The following NEK11 variants were observed in gnomAD, a reference collection of about 807,000 sequenced individuals.
The protein encoded by NEK11 is serine/threonine-protein kinase Nek11.
Under a neutral mutation model 80.7 loss-of-function variants are expected in NEK11, and 72 were observed. The ratio of observed to expected loss-of-function variants is 0.89; its 90% CI spans 0.74 to 1.08. NEK11 has a LOEUF of 1.08. Ranked by LOEUF, NEK11 falls within the 50% of genes least tolerant of loss-of-function variation. The pLI is 0.00. For synonymous variants in NEK11, 251 were observed against 260.7 expected (o/e 0.96, Z 0.36); for missense variants, 764 against 763.6 (o/e 1.00, Z -0.01).
intron 5 of NEK11, among the ~76,000 whole-genome samples, chr3:131,120,810 C>A (rs1255697669): frequency 3.3e-5 from 5 of 152,206 alleles, no homozygotes; most frequent in African/African-American, 1.2e-4. Context: ...AGTTCTCGTG[C>A]CATGGTTTTC....
At chr3:131,231,199 C>CT (rs1233214670) in intron 15 of NEK11, among the ~76,000 whole-genome samples, 1 of 126,562 alleles carries the variant, frequency 7.9e-6, no homozygotes, top group African/African-American at 4.2e-5. Context: ...TTCCTATTTT[C>CT]TTTTTTTTCT....
intron 16 of NEK11, among the ~76,000 whole-genome samples, chr3:131,266,782 A>G (rs1368844265): frequency 6.6e-6 from 1 of 152,078 alleles, no homozygotes; most frequent in East Asian, 1.9e-4. Context: ...TGTCTCATTG[A>G]TCTGTCTAAT....
At chr3:131,285,259 T>C (rs2096456441) in intron 17 of NEK11, among the ~76,000 whole-genome samples, 1 of 152,146 alleles carries the variant, frequency 6.6e-6, no homozygotes, top group African/African-American at 2.4e-5. Context: ...GATCCATTTA[T>C]ATAGGGGCAA....
chr3:131,128,433 T>C (rs2083758742), intron 5 of NEK11, among the ~76,000 whole-genome samples: 1 of 152,246 alleles, frequency 6.6e-6, no homozygotes. Flanking sequence ...CTGACTTCTT[T>C]CACTTAGTAG....
intron 3 of NEK11, among the ~76,000 whole-genome samples, chr3:131,033,670 G>A (rs544273563): frequency 6.6e-6 from 1 of 152,250 alleles, no homozygotes; most frequent in South Asian, 2.1e-4. Flanking sequence ...CCACTTGGGG[G>A]CATCACTTTA....
At chr3:131,236,301 C>T (rs923656380) in intron 15 of NEK11, among the ~76,000 whole-genome samples, 7 of 152,136 alleles carry the variant, frequency 4.6e-5, no homozygotes, top group Admixed American at 6.6e-5. Flanking sequence ...GAGTACAGGC[C>T]TCACCAGTTC....
intron 16 of NEK11, among the ~76,000 whole-genome samples, chr3:131,244,930 A>G (rs2095574869): frequency 6.6e-6 from 1 of 152,082 alleles, no homozygotes; most frequent in Non-Finnish European, 1.5e-5. Flanking sequence ...TCTCAAAAAT[A>G]TATATTATTG....
intron 3 of NEK11, among the ~76,000 whole-genome samples, chr3:131,036,505 T>C (rs1252812071): frequency 6.6e-6 from 1 of 152,200 alleles, no homozygotes; most frequent in African/African-American, 2.4e-5. Flanking sequence ...TACATAATCA[T>C]AAATAATTTT....
intron 3 of NEK11, among the ~76,000 whole-genome samples, chr3:131,074,725 G>T (rs373940028): frequency 6.6e-6 from 1 of 152,122 alleles, no homozygotes; most frequent in African/African-American, 2.4e-5. Flanking sequence ...AGTATAAAGC[G>T]GTTTGCATTT....
intron 3 of NEK11, among the ~76,000 whole-genome samples, chr3:131,045,009 C>T (rs1220999782): frequency 1.3e-5 from 2 of 152,110 alleles, no homozygotes; most frequent in Non-Finnish European, 2.9e-5. Flanking sequence ...GAACAACCTG[C>T]TCCTGAATGA....
chr3:131,059,323 G>C (rs540122893), intron 3 of NEK11, among the ~76,000 whole-genome samples: 1 of 152,144 alleles, frequency 6.6e-6, no homozygotes, highest in Admixed American at 6.5e-5. Flanking sequence ...AGGTTTTTTG[G>C]TATATAAATT....
chr3:131,255,124 GAA>G (rs202234996), intron 16 of NEK11, among the ~76,000 whole-genome samples: 1 of 150,116 alleles, frequency 6.7e-6, no homozygotes, highest in Non-Finnish European at 1.5e-5. Context: ...AAGAAAGAAA[GAA>G]AGAGAGAAAG....
chr3:131,056,196 G>A (rs1426059063), intron 3 of NEK11, among the ~76,000 whole-genome samples: 1 of 152,156 alleles, frequency 6.6e-6, no homozygotes, highest in Non-Finnish European at 1.5e-5. Context: ...GCCTCATTGT[G>A]TGTTTCTGCT....
intron 10 of NEK11, among the ~76,000 whole-genome samples, chr3:131,158,538 C>T (rs1387585512): frequency 6.6e-6 from 1 of 152,138 alleles, no homozygotes; most frequent in Non-Finnish European, 1.5e-5. Flanking sequence ...AACAGCGGAC[C>T]CTTCCCTGCC....
chr3:131,084,183 C>G (rs1468106281), intron 4 of NEK11, among the ~76,000 whole-genome samples: 1 of 152,212 alleles, frequency 6.6e-6, no homozygotes, highest in Non-Finnish European at 1.5e-5. Context: ...CTTTATCTCT[C>G]ATGGTACAAA....
At chr3:131,221,823 T>C (rs542989309) in intron 14 of NEK11, among the ~76,000 whole-genome samples, 37 of 152,306 alleles carry the variant, frequency 2.4e-4, no homozygotes, top group Admixed American at 9.8e-4. Flanking sequence ...TCTCAAAGTG[T>C]GTTTCCAGAC....
intron 17 of NEK11, among the ~76,000 whole-genome samples, chr3:131,289,952 A>G (rs777382284): frequency 6.6e-6 from 1 of 152,212 alleles, no homozygotes; most frequent in African/African-American, 2.4e-5. Flanking sequence ...TGATTTCTTA[A>G]CATTATCTCT....
chr3:131,127,358 G>C lies in NEK11; in HGVS notation c.456-5387G>C, dbSNP rs144601686. Among the ~76,000 whole-genome samples, 610 of 151,974 alleles carry C rather than the reference G, an allele frequency of 4.0e-3. 2 individuals are homozygous for C. Among genetic ancestry groups the C allele is most frequent in the African/African-American group, 0.014 (586 of 41,470 alleles). On this transcript the variant is annotated intron_variant, in intron 5 of 17. Coordinates refer to ENST00000383366, the MANE Select transcript of NEK11 (RefSeq NM_024800.5). ...CAGTTTCTAAATCCTCTCTTCTGCT[G>C]TGTCTAATTTGATTTCAAACATATG...
At chr3:131,174,857 C>A in intron 14 of NEK11, 1 of 1,567,444 alleles carries the variant, frequency 6.4e-7, no homozygotes, top group Non-Finnish European at 8.6e-7. Context: ...GCATGACTCC[C>A]TACCCCACCA....
Sources: gnomAD v4.1 joint callset for allele counts (sites outside exome capture counted in the v4.1 genomes callset) on GRCh38, gnomAD v4.1.1 for gene constraint, MANE v1.5 for transcripts, NCBI Gene and HGNC (gene_info 2026-07-23, HGNC 2026-07-21) for gene names.